IL7: variants seen among roughly 807,000 people sequenced by gnomAD.
IL7 encodes the protein interleukin 7, also known as interleukin-7.
IL7 carries 3 observed loss-of-function variants against 21.6 expected under a neutral mutation model. That is an observed-to-expected ratio of 0.14 (90% CI 0.06 to 0.36). The LOEUF is 0.36. Ranked by LOEUF, IL7 falls within the 10% of genes least tolerant of loss-of-function variation. The pLI, the probability that IL7 is intolerant of heterozygous loss-of-function variation, is 1.00. For synonymous variants in IL7, 62 were observed against 68.1 expected (o/e 0.91, Z 0.44); for missense variants, 175 against 200.2 (o/e 0.87, Z 0.76).
intron 3 of IL7, among the ~76,000 whole-genome samples, chr8:78,693,174 T>C (rs952919426): frequency 1.3e-5 from 2 of 152,174 alleles, no homozygotes; most frequent in African/African-American, 2.4e-5. Flanking sequence ...CTATTGTGAA[T>C]AGTGCCGCAA....
chr8:78,722,045 A>G (rs1554596051), intron 3 of IL7, among the ~76,000 whole-genome samples: 1 of 152,012 alleles, frequency 6.6e-6, no homozygotes, highest in Non-Finnish European at 1.5e-5. Flanking sequence ...ACAAAAGGCT[A>G]GAAATATATT....
chr8:78,802,099 G>A (rs1814083688), intron 1 of IL7, among the ~76,000 whole-genome samples: 1 of 152,180 alleles, frequency 6.6e-6, no homozygotes. Flanking sequence ...GTTTTCAGTA[G>A]GGAATTTGGT....
intron 2 of IL7, among the ~76,000 whole-genome samples, chr8:78,762,918 A>C (rs1465856607): frequency 6.6e-6 from 1 of 152,144 alleles, no homozygotes; most frequent in Non-Finnish European, 1.5e-5. Flanking sequence ...TCTTTCATAG[A>C]GAAAGACTTT....
intron 3 of IL7, among the ~76,000 whole-genome samples, chr8:78,692,728 GT>G (rs546549038): frequency 6.6e-6 from 1 of 151,466 alleles, no homozygotes; most frequent in South Asian, 2.1e-4. Context: ...CTTCTAATTT[GT>G]TTTTTTTATT....
intron 2 of IL7, among the ~76,000 whole-genome samples, chr8:78,766,666 C>T (rs556240784): frequency 7.2e-5 from 11 of 152,120 alleles, no homozygotes; most frequent in South Asian, 2.1e-4. Context: ...TTTATAACTG[C>T]GTAATATTCC....
intron 2 of IL7, among the ~76,000 whole-genome samples, chr8:78,788,604 A>G (rs933404305): frequency 2.0e-5 from 3 of 152,080 alleles, no homozygotes; most frequent in Non-Finnish European, 4.4e-5. Context: ...CATGACTTGT[A>G]CTTTATAAAA....
intron 2 of IL7, among the ~76,000 whole-genome samples, chr8:78,772,136 T>C (rs1812978771): frequency 6.6e-6 from 1 of 152,106 alleles, no homozygotes. Flanking sequence ...GAAAAACTAA[T>C]GATTGGCAGG....
chr8:78,780,344 T>C (rs1813287669), intron 2 of IL7, among the ~76,000 whole-genome samples: 1 of 152,182 alleles, frequency 6.6e-6, no homozygotes, highest in Non-Finnish European at 1.5e-5. Context: ...TAGAGATCTT[T>C]CTAGCTTTTT....
chr8:78,718,279 G>T (rs1811166899), intron 6 of IL7: 1 of 151,794 alleles, frequency 6.6e-6, no homozygotes, highest in Non-Finnish European at 1.5e-5. Context: ...CGTGAAGATA[G>T]TTTTAATTTG....
intron 1 of IL7, among the ~76,000 whole-genome samples, chr8:78,804,288 A>G (rs935689903): frequency 5.9e-5 from 9 of 152,142 alleles, no homozygotes; most frequent in Admixed American, 3.3e-4. Flanking sequence ...AAACAAAAAC[A>G]AAAACAAAAA....
At chr8:78,751,277 G>A (rs1812162351) in intron 2 of IL7, among the ~76,000 whole-genome samples, 1 of 152,092 alleles carries the variant, frequency 6.6e-6, no homozygotes, top group South Asian at 2.1e-4. Flanking sequence ...ACTTATAGAA[G>A]AGCAAAGATA....
intron 3 of IL7, among the ~76,000 whole-genome samples, chr8:78,725,740 T>G (rs1405622474): frequency 6.6e-6 from 1 of 152,034 alleles, no homozygotes; most frequent in Non-Finnish European, 1.5e-5. Context: ...AGAAGTATGC[T>G]TTGAGTATAA....
At chr8:78,707,728 G>A (rs1056136320) in intron 3 of IL7, among the ~76,000 whole-genome samples, 1 of 152,026 alleles carries the variant, frequency 6.6e-6, no homozygotes, top group Non-Finnish European at 1.5e-5. Context: ...TCCAACTACT[G>A]GAAAGAGAGC....
chr8:78,728,349 A>T (rs893457662), downstream of IL7, among the ~76,000 whole-genome samples: 1 of 151,962 alleles, frequency 6.6e-6, no homozygotes, highest in East Asian at 1.9e-4. Flanking sequence ...AAACTGGAGG[A>T]CTCAAATGAC....
intron 1 of IL7, among the ~76,000 whole-genome samples, chr8:78,799,491 G>T (rs1813978338): frequency 6.6e-6 from 1 of 151,974 alleles, no homozygotes; most frequent in African/African-American, 2.4e-5. Flanking sequence ...AACAAAAATT[G>T]ATAATTTTAT....
At chr8:78,690,384 C>A (rs1221284995) in intron 3 of IL7, among the ~76,000 whole-genome samples, 1 of 152,094 alleles carries the variant, frequency 6.6e-6, no homozygotes, top group Non-Finnish European at 1.5e-5. Context: ...CACGGTGAAA[C>A]CCCGTCTCTA....
intron 2 of IL7, among the ~76,000 whole-genome samples, chr8:78,750,345 A>G (rs1482187052): frequency 6.6e-6 from 1 of 152,136 alleles, no homozygotes; most frequent in Non-Finnish European, 1.5e-5. Context: ...CCGTATTGTG[A>G]CATCACTAAA....
intron 3 of IL7, chr8:78,689,307 A>G (rs775998190): frequency 1.9e-6 from 3 of 1,604,242 alleles, no homozygotes; most frequent in Non-Finnish European, 2.6e-6. Context: ...AACAGGCAGC[A>G]CGTATTAGTA....
chr8:78,692,154 C>T (rs960357501), intron 3 of IL7, among the ~76,000 whole-genome samples: 3 of 152,128 alleles, frequency 2.0e-5, no homozygotes, highest in Non-Finnish European at 4.4e-5. Flanking sequence ...CAAAAACTTA[C>T]CCCTTTGACC....
Sources: allele counts gnomAD v4.1 joint callset (sites outside exome capture counted in the v4.1 genomes callset), GRCh38; gene constraint gnomAD v4.1.1; transcripts MANE v1.5; gene names NCBI Gene and HGNC (gene_info 2026-07-23, HGNC 2026-07-21).